The following ZFYVE9 variants were observed in gnomAD, a reference collection of about 807,000 sequenced individuals.
The protein encoded by ZFYVE9 is zinc finger FYVE domain-containing protein 9.
ZFYVE9 carries 43 observed loss-of-function variants against 126.7 expected under a neutral mutation model. The ratio of observed to expected loss-of-function variants is 0.34; its 90% confidence interval spans 0.27 to 0.44. The LOEUF is 0.44. Among genes scored for constraint, ZFYVE9 ranks in the 20% least tolerant of loss-of-function variants. ZFYVE9 has a pLI of 1.00. For missense variants in ZFYVE9, 1,476 were observed against 1,697.0 expected (o/e 0.87, Z 2.29); for synonymous variants, 521 against 597.4 (o/e 0.87, Z 1.87).
At chr1:52,203,903 T>A (rs1181339464) in intron 1 of ZFYVE9, among the ~76,000 whole-genome samples, 1 of 152,104 alleles carries the variant, frequency 6.6e-6, no homozygotes, top group Non-Finnish European at 1.5e-5. Context: ...CTCTAGCATT[T>A]CTTTTTGGTT....
At chr1:52,307,243 G>C (rs1463450404) in intron 13 of ZFYVE9, among the ~76,000 whole-genome samples, 1 of 151,370 alleles carries the variant, frequency 6.6e-6, no homozygotes, top group Non-Finnish European at 1.5e-5. Context: ...TTTTTGTTTT[G>C]TTTTGTTTTT....
At chr1:52,329,961 G>C (rs1557522822) in intron 13 of ZFYVE9, among the ~76,000 whole-genome samples, 1 of 152,018 alleles carries the variant, frequency 6.6e-6, no homozygotes, top group African/African-American at 2.4e-5. Context: ...AGGCAAAGTG[G>C]GTATGTGCCT....
At chr1:52,275,211 A>T (rs1458512422) in intron 8 of ZFYVE9, among the ~76,000 whole-genome samples, 2 of 152,192 alleles carry the variant, frequency 1.3e-5, no homozygotes, top group Admixed American at 6.5e-5. Flanking sequence ...TAGTGAGCAT[A>T]GTACCCAATG....
At chr1:52,146,058 A>ACAC (rs1644304473) in intron 1 of ZFYVE9, among the ~76,000 whole-genome samples, 9 of 70,134 alleles carry the variant, frequency 1.3e-4, no homozygotes, top group Middle Eastern at 7.0e-3. Context: ...CACACACACA[A>ACAC]AAGTAATCAT....
At chr1:52,246,538 T>TC (rs1645386017) in intron 4 of ZFYVE9, among the ~76,000 whole-genome samples, 1 of 150,838 alleles carries the variant, frequency 6.6e-6, no homozygotes, top group Non-Finnish European at 1.5e-5. Flanking sequence ...TTCCTGGGTT[T>TC]TTTTTTTTTT....
intron 13 of ZFYVE9, among the ~76,000 whole-genome samples, chr1:52,317,198 G>A (rs1346673472): frequency 1.3e-5 from 2 of 152,024 alleles, no homozygotes; most frequent in East Asian, 3.8e-4. Context: ...AATGATTAGA[G>A]ATAAATTTAT....
At chr1:52,260,873 G>A (rs1309068567) in intron 4 of ZFYVE9, among the ~76,000 whole-genome samples, 2 of 152,064 alleles carry the variant, frequency 1.3e-5, no homozygotes, top group Non-Finnish European at 2.9e-5. Flanking sequence ...GGTCAAAACA[G>A]ATCCTACAGA....
At chr1:52,189,636 G>A (rs989046778) in intron 1 of ZFYVE9, among the ~76,000 whole-genome samples, 1 of 151,504 alleles carries the variant, frequency 6.6e-6, no homozygotes, top group Non-Finnish European at 1.5e-5. Flanking sequence ...GCCTCTGAAA[G>A]TGCTGGGATT....
At chr1:52,286,712 C>G (rs947202420) in intron 10 of ZFYVE9, among the ~76,000 whole-genome samples, 9 of 152,152 alleles carry the variant, frequency 5.9e-5, no homozygotes, top group African/African-American at 2.2e-4. Context: ...GAGTTAATCT[C>G]TGGTTGTTTC....
At position 52,238,373 on chromosome 1, in the gene ZFYVE9, T is replaced by A. The variant is rs1354227035; in HGVS notation, c.956T>A (p.Met319Lys). ...TCCCACATGAGTGAGGGGATTTTGA[T>A]GAAAAAAGAGCCAGCAGAGGAGAGC... ...SFSHMSEGIL[M>K]KKEPAEESTT... The change falls in exon 4 of 19, where the codon ATG (methionine) becomes AAG (lysine). Residue 319 changes from methionine (M) to lysine (K), a missense_variant. By Grantham distance (95) the Met-to-Lys change is moderately conservative. Transcript: ENST00000287727. The A allele has an allele frequency of 6.2e-7, 1 of 1,613,754 alleles. No individual in the cohort carries two copies. Among genetic ancestry groups the A allele is most frequent in the South Asian group, 1.1e-5 (1 of 91,068 alleles).
At chr1:52,336,947 TAAAA>T (rs71041896) in intron 15 of ZFYVE9, among the ~76,000 whole-genome samples, 14 of 107,850 alleles carry the variant, frequency 1.3e-4, no homozygotes, top group Admixed American at 7.3e-4. Context: ...AGTCATCTCT[TAAAA>T]AAAAAAAAAA....
At chr1:52,169,264 G>A (rs1644542581) in intron 1 of ZFYVE9, among the ~76,000 whole-genome samples, 2 of 152,068 alleles carry the variant, frequency 1.3e-5, no homozygotes, top group Non-Finnish European at 2.9e-5. Context: ...CTAGCCAGAC[G>A]TGGTGGTACA....
chr1:52,159,114 C>A (rs1644430822), intron 1 of ZFYVE9, among the ~76,000 whole-genome samples: 1 of 152,126 alleles, frequency 6.6e-6, no homozygotes. Context: ...TTTGTGTTCC[C>A]CTTCCCAAAT....
intron 1 of ZFYVE9, among the ~76,000 whole-genome samples, chr1:52,175,891 A>G (rs1480763430): frequency 6.6e-6 from 1 of 151,824 alleles, no homozygotes; most frequent in East Asian, 1.9e-4. Context: ...CTAGTTATAC[A>G]TTTGTCTAAG....
intron 1 of ZFYVE9, among the ~76,000 whole-genome samples, chr1:52,183,119 A>G (rs556543883): frequency 6.6e-6 from 1 of 152,300 alleles, no homozygotes; most frequent in South Asian, 2.1e-4. Flanking sequence ...AAGGGCAGTA[A>G]TTAGAGGGAA....
chr1:52,255,433 A>G (rs1008659333), intron 4 of ZFYVE9, among the ~76,000 whole-genome samples: 4 of 152,092 alleles, frequency 2.6e-5, no homozygotes, highest in Middle Eastern at 3.4e-3. Flanking sequence ...TAAAAATACA[A>G]AATTAGCCGG....
chr1:52,182,094 TG>T (rs1427961361), intron 1 of ZFYVE9, among the ~76,000 whole-genome samples: 5 of 143,794 alleles, frequency 3.5e-5, no homozygotes, highest in Admixed American at 6.8e-5. Context: ...CGGAGGGAGG[TG>T]GGGGGGTCAG....
intron 13 of ZFYVE9, among the ~76,000 whole-genome samples, chr1:52,316,351 G>A (rs911343413): frequency 6.6e-6 from 1 of 151,320 alleles, no homozygotes; most frequent in African/African-American, 2.4e-5. Context: ...GGGCTTTGGT[G>A]GTGGGTGCCT....
chr1:52,278,078 T>A (rs1645765673), intron 8 of ZFYVE9, among the ~76,000 whole-genome samples: 1 of 152,216 alleles, frequency 6.6e-6, no homozygotes, highest in Non-Finnish European at 1.5e-5. Flanking sequence ...CTACCCCAAC[T>A]ATTTGATATC....
Sources: gnomAD v4.1 joint callset for allele counts (sites outside exome capture counted in the v4.1 genomes callset) on GRCh38, gnomAD v4.1.1 for gene constraint, MANE v1.5 for transcripts, NCBI Gene and HGNC (gene_info 2026-07-23, HGNC 2026-07-21) for gene names.